Variants in SS18 observed in about 807,000 individuals in gnomAD.
The protein encoded by SS18 is protein SSXT.
A neutral mutation model predicts 72.5 loss-of-function variants in SS18; 28 were observed. The ratio of observed to expected loss-of-function variants is 0.39; its 90% CI spans 0.29 to 0.53. SS18 has a LOEUF of 0.53. SS18 is among the 20% of genes least tolerant of loss of function. The probability of loss-of-function intolerance (pLI) is 0.76; values close to 1 mark genes in which losing one functional copy is unlikely to be tolerated. For synonymous variants in SS18, 172 were observed against 164.2 expected (o/e 1.05, Z -0.37); for missense variants, 518 against 535.3 (o/e 0.97, Z 0.32).
At position 26,017,397 on chromosome 18, in the gene SS18, T is replaced by A. The variant is rs1405543426; in HGVS notation, c.*957A>T. The A allele has an allele frequency of 5.2e-6, 1 of 192,504 alleles. No homozygotes were observed. The highest frequency in any genetic ancestry group is 8.3e-5 in the East Asian group (1 of 12,082). The allele number at this position is 192,504 out of a possible 1,614,324, so 11.9% of individuals were successfully genotyped here. On this transcript the variant is annotated 3_prime_UTR_variant, in exon 11 of 11. Coordinates refer to ENST00000415083, the MANE Select transcript of SS18 (RefSeq NM_001007559.3). ...CCTCAATATTACAAAATAAAATGACTGGATCAATGTTGACTCTTCTTTGAT... is the reference window on the plus strand; with the variant it reads ...CCTCAATATTACAAAATAAAATGACAGGATCAATGTTGACTCTTCTTTGAT...
intron 2 of SS18, among the ~76,000 whole-genome samples, chr18:26,079,302 T>A (rs1309213956): frequency 6.6e-6 from 1 of 152,192 alleles, no homozygotes; most frequent in Non-Finnish European, 1.5e-5. Flanking sequence ...TTCACAATTT[T>A]AACAAATTAA....
chr18:26,080,641 G>A (rs1057061535), intron 2 of SS18, among the ~76,000 whole-genome samples: 2 of 152,130 alleles, frequency 1.3e-5, no homozygotes, highest in Non-Finnish European at 2.9e-5. Flanking sequence ...TCTCTCAACT[G>A]TCAAATCTTT....
At chr18:26,078,310 T>C in intron 2 of SS18, 150 bp from the exon 3 acceptor site, 1 of 523,680 alleles carries the variant, frequency 1.9e-6, no homozygotes, top group Non-Finnish European at 3.3e-6. Flanking sequence ...ACTGCAAAAG[T>C]TCCAAATAAT....
At chr18:26,019,639 C>T (rs566810552) in intron 10 of SS18, among the ~76,000 whole-genome samples, 12 of 151,662 alleles carry the variant, frequency 7.9e-5, no homozygotes, top group Non-Finnish European at 1.3e-4. Context: ...GGTGAAACCC[C>T]GTCTTTACTA....
At chr18:26,084,290 A>G (rs1448369963) in intron 2 of SS18, 7 of 152,216 alleles carry the variant, frequency 4.6e-5, no homozygotes, top group Admixed American at 2.0e-4. Flanking sequence ...GAATAGGAAA[A>G]GAACAAATTT....
At chr18:26,052,902 A>G (rs1379403822) in intron 4 of SS18, 57 bp from the exon 5 acceptor site, 1 of 1,453,688 alleles carries the variant, frequency 6.9e-7, no homozygotes, top group African/African-American at 1.4e-5. Flanking sequence ...GGTCCATACA[A>G]AAGTACCTGG....
upstream of SS18, chr18:26,090,692 G>T: frequency 9.5e-7 from 1 of 1,052,192 alleles, no homozygotes; most frequent in Non-Finnish European, 1.4e-6. Flanking sequence ...ATGCTCCGGG[G>T]CCAAGCGGAC....
rs1413776580 is a variant in SS18 at position 26,090,561 on chromosome 18, C to T, written c.9G>A (p.Val3=). 1 of 1,585,478 alleles carries T rather than the reference C, an allele frequency of 6.3e-7. No homozygotes were observed. The highest frequency in any genetic ancestry group is 2.3e-5 in the East Asian group (1 of 42,566). MS[V]AFAAPRQRGK... is the part of the protein sequence containing the mutation. ...CTCGCTGCCTCGGGGCCGCGAAAGC[C>T]ACAGACATGTTGCCGCCGTCACCAC... The change falls in exon 1 of 11, where the codon GTG becomes GTA. Residue 3 remains valine (V), a synonymous_variant. Coordinates refer to ENST00000415083, the MANE Select transcript of SS18 (RefSeq NM_001007559.3).
At chr18:26,056,075 T>C (rs1598576184) in intron 4 of SS18, among the ~76,000 whole-genome samples, 1 of 152,264 alleles carries the variant, frequency 6.6e-6, no homozygotes, top group East Asian at 1.9e-4. Flanking sequence ...TTCTTAACTA[T>C]TGTTTCGGAA....
At chr18:26,039,171 A>C (rs1434546391) in intron 6 of SS18, 118 bp downstream of exon 6, 2 of 236,182 alleles carry the variant, frequency 8.5e-6, no homozygotes, top group Non-Finnish European at 1.1e-5. Context: ...CTTTTGTCAA[A>C]AAAAAAAAAA....
In SS18 at chr18:26,046,995, T is replaced by A. The variant is rs78977982; in HGVS notation, c.607+5629A>T. Among the ~76,000 whole-genome samples, 526 of 152,260 alleles carry A rather than the reference T, an allele frequency of 3.5e-3. 3 individuals are homozygous for A. Among genetic ancestry groups the A allele is most frequent in the African/African-American group, 0.012 (503 of 41,550 alleles). ...GTAACTGAAATTCAAATGGTGGTGC[T>A]GGGGGAACAGGTGTTATTTAGCTTA... On this transcript the variant is annotated intron_variant, in intron 5 of 10. Coordinates refer to ENST00000415083, the MANE Select transcript of SS18 (RefSeq NM_001007559.3).
chr18:26,053,573 G>A (rs955826814), intron 4 of SS18, among the ~76,000 whole-genome samples: 1 of 150,638 alleles, frequency 6.6e-6, no homozygotes, highest in Non-Finnish European at 1.5e-5. Flanking sequence ...AAGATAGATC[G>A]CAGACCCAGA....
intron 2 of SS18, chr18:26,080,519 A>G (rs763862803): frequency 1.1e-5 from 3 of 260,888 alleles, no homozygotes; most frequent in Non-Finnish European, 1.8e-5. Flanking sequence ...TTAAGGTCTC[A>G]TATGTAAAAT....
Position 26,037,260 on chromosome 18 carries a change from G to T in SS18, c.880+1295C>A, listed in dbSNP as rs569332055. Among the ~76,000 whole-genome samples the T allele has an allele frequency of 1.1e-3, 171 of 151,916 alleles. 1 individual carries two copies. Among genetic ancestry groups the T allele is most frequent in the South Asian group, 3.5e-3 (17 of 4,804 alleles). ...AAACCAATATATTTTGAACAGAAAGGTTATAACAATACACATGTCACATTT... is the reference window on the plus strand; with the variant it reads ...AAACCAATATATTTTGAACAGAAAGTTTATAACAATACACATGTCACATTT... On this transcript the variant is annotated intron_variant, in intron 7 of 10. Coordinates refer to ENST00000415083, the MANE Select transcript of SS18 (RefSeq NM_001007559.3).
intron 3 of SS18, among the ~76,000 whole-genome samples, chr18:26,073,844 G>A (rs1308026657): frequency 2.0e-5 from 3 of 152,274 alleles, no homozygotes; most frequent in Admixed American, 6.5e-5. Flanking sequence ...ACTAGGCACC[G>A]TTTTCACTGA....
intron 5 of SS18, among the ~76,000 whole-genome samples, chr18:26,039,741 G>C (rs144530748): frequency 6.6e-6 from 1 of 152,072 alleles, no homozygotes; most frequent in African/African-American, 2.4e-5. Context: ...TGAACATCCT[G>C]AATGTGTGTA....
intron 3 of SS18, chr18:26,064,819 A>AT (rs1207081372): frequency 3.3e-5 from 5 of 152,212 alleles, no homozygotes; most frequent in Admixed American, 3.3e-4. Context: ...AAGACTTACA[A>AT]TTGTCATTAT....
chr18:26,060,170 T>A (rs2144034110), intron 3 of SS18, among the ~76,000 whole-genome samples: 1 of 152,270 alleles, frequency 6.6e-6, no homozygotes. Flanking sequence ...GATGAATGGA[T>A]AAACAAAACG....
intron 3 of SS18, among the ~76,000 whole-genome samples, chr18:26,059,085 G>A (rs1015228042): frequency 2.6e-5 from 4 of 152,060 alleles, no homozygotes; most frequent in Non-Finnish European, 5.9e-5. Context: ...TCATTTTCTT[G>A]TAATTCAACT....
Sources: gnomAD v4.1 joint callset for allele counts (sites outside exome capture counted in the v4.1 genomes callset) on GRCh38, gnomAD v4.1.1 for gene constraint, MANE v1.5 for transcripts, NCBI Gene and HGNC (gene_info 2026-07-23, HGNC 2026-07-21) for gene names.